The following GPHN variants were observed in gnomAD, a reference collection of about 807,000 sequenced individuals.
The protein encoded by GPHN is gephyrin.
A neutral mutation model predicts 95.5 loss-of-function variants in GPHN; 17 were observed. The observed-to-expected ratio is 0.18, with a 90% CI of 0.12 to 0.27. The LOEUF is 0.27. Ranked by LOEUF, GPHN falls within the 10% of genes least tolerant of loss-of-function variation. The pLI is 1.00. For missense variants in GPHN, 660 were observed against 978.1 expected (o/e 0.67, Z 4.34); for synonymous variants, 320 against 322.5 (o/e 0.99, Z 0.08).
chr14:67,316,081 GA>G, the GPHN span, among the ~76,000 whole-genome samples: 10 of 151,908 alleles, frequency 6.6e-5, no homozygotes, highest in Admixed American at 1.3e-4. Context: ...GCTTTACACT[GA>G]AAAAAAGTAG....
the GPHN span, among the ~76,000 whole-genome samples, chr14:67,577,645 T>C: frequency 6.6e-6 from 1 of 152,198 alleles, no homozygotes; most frequent in African/African-American, 2.4e-5. Flanking sequence ...AAACTCTCCC[T>C]GGAGGAGCTC....
At chr14:67,113,602 ACTT>A (rs899880627) in intron 16 of GPHN, among the ~76,000 whole-genome samples, 3 of 152,138 alleles carry the variant, frequency 2.0e-5, no homozygotes, top group Non-Finnish European at 2.9e-5. Context: ...CATGGCTAGC[ACTT>A]CTTGTGAAAA....
the GPHN span, among the ~76,000 whole-genome samples, chr14:67,464,313 T>G: frequency 6.6e-6 from 1 of 152,116 alleles, no homozygotes; most frequent in Non-Finnish European, 1.5e-5. Flanking sequence ...CAGCCTCCCC[T>G]GGCCTGTGCC....
intron 8 of GPHN, among the ~76,000 whole-genome samples, chr14:66,936,480 C>T (rs1285159353): frequency 2.6e-5 from 4 of 152,060 alleles, no homozygotes; most frequent in African/African-American, 9.6e-5. Flanking sequence ...AATCGAATGT[C>T]GAATGTGTTT....
At chr14:67,343,557 T>G in the GPHN span, 1 of 762,084 alleles carries the variant, frequency 1.3e-6, no homozygotes, top group Non-Finnish European at 2.1e-6. Context: ...AACTTCTTTT[T>G]GGCATGCTTA....
intron 3 of GPHN, among the ~76,000 whole-genome samples, chr14:66,796,335 A>G (rs892178173): frequency 7.9e-5 from 12 of 151,622 alleles, no homozygotes; most frequent in Non-Finnish European, 1.5e-4. Context: ...TTTTTTCAGT[A>G]TATACCCACC....
At chr14:67,241,940 A>G in the GPHN span, 1 of 152,158 alleles carries the variant, frequency 6.6e-6, no homozygotes, top group Non-Finnish European at 1.5e-5. Flanking sequence ...GCTTTCCTTT[A>G]GAAGTCAGAA....
chr14:66,734,950 A>G (rs1043285351), intron 2 of GPHN, among the ~76,000 whole-genome samples: 3 of 152,212 alleles, frequency 2.0e-5, no homozygotes, highest in African/African-American at 7.2e-5. Flanking sequence ...ACTATTTACT[A>G]TGTTCAGTGT....
At chr14:66,879,262 G>A (rs2063816849) in intron 4 of GPHN, among the ~76,000 whole-genome samples, 1 of 151,664 alleles carries the variant, frequency 6.6e-6, no homozygotes, top group African/African-American at 2.4e-5. Context: ...ATATAGACGG[G>A]TTGATGGGTG....
At chr14:67,020,679 C>T (rs1459074375) in intron 9 of GPHN, among the ~76,000 whole-genome samples, 2 of 151,938 alleles carry the variant, frequency 1.3e-5, no homozygotes, top group Non-Finnish European at 1.5e-5. Context: ...TCTCCATTGA[C>T]TTTAATATAA....
At chr14:67,702,436 TA>T in the GPHN span, among the ~76,000 whole-genome samples, 2 of 152,034 alleles carry the variant, frequency 1.3e-5, no homozygotes, top group Non-Finnish European at 2.9e-5. Flanking sequence ...GTCTTACTTA[TA>T]AAAAAAATCA....
intron 20 of GPHN, among the ~76,000 whole-genome samples, chr14:67,167,705 G>A (rs1016775888): frequency 5.3e-5 from 8 of 152,144 alleles, no homozygotes; most frequent in Admixed American, 5.2e-4. Flanking sequence ...ATACATTCAT[G>A]CTTACATAGA....
chr14:67,608,961 T>C, the GPHN span, among the ~76,000 whole-genome samples: 522 of 152,276 alleles, frequency 3.4e-3, 2 homozygotes, highest in African/African-American at 0.012. Context: ...AAGAAAGCAG[T>C]TCGACACTAT....
the GPHN span, chr14:67,621,024 C>T: frequency 4.2e-5 from 63 of 1,502,790 alleles, 2 homozygotes; most frequent in South Asian, 7.0e-4. Context: ...ACTTCAGAGT[C>T]TTTTCTCTGA....
chr14:67,457,538 G>C, the GPHN span, among the ~76,000 whole-genome samples: 5 of 152,344 alleles, frequency 3.3e-5, no homozygotes, highest in African/African-American at 1.2e-4. Flanking sequence ...CCAGGAGTTT[G>C]GAGGCTGCAG....
the GPHN span, chr14:67,647,753 T>A: frequency 3.6e-6 from 1 of 274,194 alleles, no homozygotes; most frequent in Non-Finnish European, 6.8e-6. Flanking sequence ...TTGACAGTTA[T>A]TAGTATAAGA....
At chr14:66,636,436 T>G (rs1314355132) in intron 1 of GPHN, among the ~76,000 whole-genome samples, 2 of 152,150 alleles carry the variant, frequency 1.3e-5, no homozygotes, top group Non-Finnish European at 2.9e-5. Context: ...CAAAGATAGC[T>G]AATTTATACT....
At chr14:67,603,946 G>T in the GPHN span, among the ~76,000 whole-genome samples, 3 of 152,186 alleles carry the variant, frequency 2.0e-5, no homozygotes, top group Admixed American at 6.5e-5. Flanking sequence ...CTCTCAAAGT[G>T]CTGGGATTAT....
the GPHN span, among the ~76,000 whole-genome samples, chr14:67,706,724 G>C: frequency 1.0e-3 from 157 of 152,288 alleles, 1 homozygote; most frequent in Non-Finnish European, 1.6e-3. Flanking sequence ...CTTTGGCTTT[G>C]TGATTTTGGG....
Sources: gnomAD v4.1 joint callset for allele counts (sites outside exome capture counted in the v4.1 genomes callset) on GRCh38, gnomAD v4.1.1 for gene constraint, MANE v1.5 for transcripts, NCBI Gene and HGNC (gene_info 2026-07-23, HGNC 2026-07-21) for gene names.